Variants in PTPN9 observed in about 807,000 individuals in gnomAD.
PTPN9 encodes tyrosine-protein phosphatase non-receptor type 9.
A neutral mutation model predicts 69.8 loss-of-function variants in PTPN9; 26 were observed. That is an observed-to-expected ratio of 0.37 (90% CI 0.27 to 0.52). The LOEUF (loss-of-function observed/expected upper bound fraction) is 0.52. PTPN9 is among the 20% of genes least tolerant of loss of function. PTPN9 has a pLI of 0.91. For missense variants in PTPN9, 549 were observed against 740.3 expected (o/e 0.74, Z 3.00); for synonymous variants, 274 against 272.5 (o/e 1.01, Z -0.05).
chr15:75,468,656 C>T lies in PTPN9; in HGVS notation c.*113G>A. The T allele has an allele frequency of 4.3e-6, 4 of 934,122 alleles. No individual in the cohort carries two copies. The highest frequency in any genetic ancestry group is 6.7e-6 in the Non-Finnish European group (4 of 599,710). 57.9% of individuals were successfully genotyped at this position (934,122 alleles called of 1,614,324 possible). On this transcript the variant is annotated 3_prime_UTR_variant, in exon 13 of 13. Transcript: ENST00000618819. ...GCGTGCACACGTGTGCTGGGAGACA[C>T]AAGAAAGAAGTTGATCCATGGCTTC...
At chr15:75,549,132 G>A (rs1201910687) in intron 1 of PTPN9, among the ~76,000 whole-genome samples, 2 of 151,810 alleles carry the variant, frequency 1.3e-5, no homozygotes, top group East Asian at 3.9e-4. Context: ...GCCAGATGCT[G>A]GTGTTTTTTA....
chr15:75,473,013 G>A (rs2141287337), intron 10 of PTPN9, among the ~76,000 whole-genome samples: 1 of 152,142 alleles, frequency 6.6e-6, no homozygotes, highest in South Asian at 2.1e-4. Flanking sequence ...TCAGGAGTCA[G>A]GAAGGCAGCA....
At chr15:75,475,850 C>T (rs534385621) in intron 9 of PTPN9, among the ~76,000 whole-genome samples, 10 of 152,046 alleles carry the variant, frequency 6.6e-5, no homozygotes, top group Admixed American at 2.6e-4. Flanking sequence ...TAAATTATGA[C>T]GTATCAGGTG....
intron 1 of PTPN9, among the ~76,000 whole-genome samples, chr15:75,545,670 T>C (rs1595966689): frequency 1.3e-5 from 2 of 152,314 alleles, no homozygotes; most frequent in South Asian, 4.1e-4. Context: ...CCAGGCGCGG[T>C]GGCTCATGCC....
intron 1 of PTPN9, among the ~76,000 whole-genome samples, chr15:75,552,497 C>A (rs1019401413): frequency 1.3e-5 from 2 of 152,040 alleles, no homozygotes; most frequent in Non-Finnish European, 2.9e-5. Context: ...TTTTGTTTTT[C>A]ACTTTCAGTA....
At chr15:75,516,893 C>T (rs1361410561) in intron 5 of PTPN9, among the ~76,000 whole-genome samples, 2 of 151,744 alleles carry the variant, frequency 1.3e-5, no homozygotes, top group South Asian at 2.1e-4. Context: ...TATAGGCACG[C>T]GCCACCACAC....
intron 1 of PTPN9, among the ~76,000 whole-genome samples, chr15:75,574,864 C>A (rs1387368442): frequency 6.8e-6 from 1 of 146,664 alleles, no homozygotes; most frequent in Non-Finnish European, 1.5e-5. Context: ...ATTGCTCGAA[C>A]CCGGGAGGCA....
intron 1 of PTPN9, among the ~76,000 whole-genome samples, chr15:75,569,697 A>C (rs1159954852): frequency 1.3e-5 from 2 of 151,870 alleles, no homozygotes; most frequent in Non-Finnish European, 2.9e-5. Flanking sequence ...AAAAAAAAAA[A>C]AAAAACAGTT....
intron 1 of PTPN9, among the ~76,000 whole-genome samples, chr15:75,529,910 A>G (rs1346278404): frequency 6.6e-6 from 1 of 151,566 alleles, no homozygotes; most frequent in Non-Finnish European, 1.5e-5. Context: ...ACTCTGTTTC[A>G]AAGAAAAAAA....
rs767109089 is a variant in PTPN9, at chr15:75,546,730, A to G, written c.64-19469T>C. Among the ~76,000 whole-genome samples, 66 of 152,128 alleles carry G rather than the reference A, an allele frequency of 4.3e-4. 2 individuals are homozygous for G. Among genetic ancestry groups the G allele is most frequent in the Admixed American group, 3.1e-3 (47 of 15,244 alleles). Reference sequence around the variant, plus strand: ...TTAAAAAGGGTGGGTGGGCACAGAAAGCCTGATAAATTCTTGTGGACAGTT... The same window carrying G: ...TTAAAAAGGGTGGGTGGGCACAGAAGGCCTGATAAATTCTTGTGGACAGTT... On this transcript the variant is annotated intron_variant, in intron 1 of 12. Transcript: ENST00000618819.
At chr15:75,536,607 T>C (rs148077846) in intron 1 of PTPN9, among the ~76,000 whole-genome samples, 2 of 152,268 alleles carry the variant, frequency 1.3e-5, no homozygotes, top group Non-Finnish European at 2.9e-5. Context: ...GGATATCATA[T>C]AGCTAGTGTG....
intron 1 of PTPN9, among the ~76,000 whole-genome samples, chr15:75,563,977 T>C (rs1382145936): frequency 6.6e-6 from 1 of 152,068 alleles, no homozygotes; most frequent in Non-Finnish European, 1.5e-5. Context: ...TGTGTGGTGA[T>C]TATCAGGGGA....
intron 1 of PTPN9, among the ~76,000 whole-genome samples, chr15:75,560,355 C>T (rs560425849): frequency 6.6e-6 from 1 of 152,020 alleles, no homozygotes; most frequent in East Asian, 1.9e-4. Context: ...CTTCTAAGTC[C>T]CTAACCTAGC....
At position 75,514,586 on chromosome 15, in the gene PTPN9, G is replaced by A. The variant is rs537133104; in HGVS notation, c.528+2673C>T. ...GAGCAAGACCTGGTCTTAAAAAAAA[G>A]GAACTTCTGTTAGTCAAAGAGCTTC... is the stretch of plus-strand genomic sequence containing the variant. On this transcript the variant is annotated intron_variant, in intron 5 of 12. Coordinates refer to ENST00000618819, the MANE Select transcript of PTPN9 (RefSeq NM_002833.4). Among the ~76,000 whole-genome samples, 7 of 152,212 alleles carry A rather than the reference G, an allele frequency of 4.6e-5. No homozygotes were observed. In the East Asian group the frequency reaches 5.8e-4, roughly 13 times the overall value.
intron 4 of PTPN9, among the ~76,000 whole-genome samples, chr15:75,521,655 G>A (rs2074905900): frequency 6.6e-6 from 1 of 151,872 alleles, no homozygotes; most frequent in Admixed American, 6.6e-5. Context: ...AGACTGCAGT[G>A]AGCTACAATC....
Position 75,468,463 on chromosome 15 carries a change from GT to G in PTPN9, c.*305del, listed in dbSNP as rs1567458350. ...AATGGCGGGAGAAAGGAGGAGGGAG[GT>G]TCCTTCCCCACTTACCTCGGGGACC... On this transcript the variant is annotated 3_prime_UTR_variant, in exon 13 of 13. Coordinates refer to ENST00000618819, the MANE Select transcript of PTPN9 (RefSeq NM_002833.4). The G allele has an allele frequency of 4.2e-6, 1 of 239,152 alleles. No homozygotes were observed. The highest frequency in any genetic ancestry group is 2.2e-5 in the African/African-American group (1 of 45,428). The allele number at this position is 239,152 out of a possible 1,614,324, so 14.8% of individuals were successfully genotyped here.
intron 1 of PTPN9, among the ~76,000 whole-genome samples, chr15:75,536,520 T>C (rs1250870079): frequency 6.6e-6 from 1 of 152,184 alleles, no homozygotes; most frequent in African/African-American, 2.4e-5. Context: ...AGTAGGAATC[T>C]GTCAGGCAGA....
intron 1 of PTPN9, among the ~76,000 whole-genome samples, chr15:75,533,929 T>A (rs1158220036): frequency 3.3e-5 from 5 of 152,164 alleles, no homozygotes; most frequent in Non-Finnish European, 7.3e-5. Flanking sequence ...TTAAATCCTA[T>A]ATCCCAAGAC....
chr15:75,571,772 C>T (rs1197856349), intron 1 of PTPN9, among the ~76,000 whole-genome samples: 1 of 151,826 alleles, frequency 6.6e-6, no homozygotes, highest in East Asian at 1.9e-4. Context: ...TGCATGCCAG[C>T]AGTCCCAGCT....
Sources: allele counts gnomAD v4.1 joint callset (sites outside exome capture counted in the v4.1 genomes callset), GRCh38; gene constraint gnomAD v4.1.1; transcripts MANE v1.5; gene names NCBI Gene and HGNC (gene_info 2026-07-23, HGNC 2026-07-21).